The following DCDC1 variants were observed in gnomAD, a reference collection of about 807,000 sequenced individuals.
DCDC1 encodes doublecortin domain-containing protein 1.
In DCDC1, 200 loss-of-function variants were observed where a neutral mutation model predicts 178.3. The ratio of observed to expected loss-of-function variants is 1.12; its 90% confidence interval spans 1.00 to 1.26. The LOEUF (loss-of-function observed/expected upper bound fraction) is 1.26. DCDC1 is among the 50% of genes most tolerant of loss of function. DCDC1 has a pLI of 0.00. For missense variants in DCDC1, 1,983 were observed against 1,749.2 expected (o/e 1.13, Z -2.38); for synonymous variants, 690 against 604.8 (o/e 1.14, Z -2.07).
chr11:31,064,248 C>T lies in DCDC1; in HGVS notation c.2591+221G>A, dbSNP rs137917077. ...TTAGTGAAATCCCAGGACAGCAACC[C>T]ATCCTAAGTATAATAATAAACAATA... On this transcript the variant is annotated intron_variant, in intron 20 of 38. Coordinates refer to ENST00000684477, the MANE Select transcript of DCDC1 (RefSeq NM_001387274.1). Among the ~76,000 whole-genome samples, 197 of 152,170 alleles carry T rather than the reference C, an allele frequency of 1.3e-3. 1 individual carries two copies. The highest frequency in any genetic ancestry group is 4.4e-3 in the African/African-American group (184 of 41,520).
chr11:31,076,212 T>C (rs1172483952), intron 18 of DCDC1, among the ~76,000 whole-genome samples: 1 of 152,166 alleles, frequency 6.6e-6, no homozygotes, highest in Non-Finnish European at 1.5e-5. Flanking sequence ...ACTGGATTAA[T>C]TCCAAAGACC....
intron 34 of DCDC1, among the ~76,000 whole-genome samples, chr11:30,899,325 C>T (rs1352603319): frequency 6.6e-6 from 1 of 152,042 alleles, no homozygotes; most frequent in Non-Finnish European, 1.5e-5. Context: ...ATTTGATATT[C>T]ATTTTAATAT....
chr11:30,897,714 C>T (rs1944347087), intron 34 of DCDC1, among the ~76,000 whole-genome samples: 1 of 152,022 alleles, frequency 6.6e-6, no homozygotes, highest in South Asian at 2.1e-4. Flanking sequence ...AGGAATACAG[C>T]TTAGAAAACT....
At chr11:31,314,254 T>A (rs1027142543) in intron 3 of DCDC1, among the ~76,000 whole-genome samples, 1 of 152,210 alleles carries the variant, frequency 6.6e-6, no homozygotes, top group African/African-American at 2.4e-5. Flanking sequence ...GCCTGAAGTT[T>A]AAATTCCACT....
At chr11:31,111,918 C>T (rs934097275) in intron 11 of DCDC1, among the ~76,000 whole-genome samples, 1 of 152,154 alleles carries the variant, frequency 6.6e-6, no homozygotes, top group East Asian at 1.9e-4. Context: ...AAAGCAGAGA[C>T]GTCTTGGTCA....
At chr11:30,875,117 T>C (rs1268509488) in intron 38 of DCDC1, among the ~76,000 whole-genome samples, 1 of 152,222 alleles carries the variant, frequency 6.6e-6, no homozygotes, top group Non-Finnish European at 1.5e-5. Flanking sequence ...GAAAATGTTA[T>C]AGCTGCCAGC....
intron 23 of DCDC1, among the ~76,000 whole-genome samples, 187 bp from the exon 24 acceptor site, chr11:30,922,825 G>T (rs1946335689): frequency 6.6e-6 from 1 of 152,144 alleles, no homozygotes; most frequent in Non-Finnish European, 1.5e-5. Flanking sequence ...CAACAACTTT[G>T]ATGAATTTCA....
chr11:31,306,246 G>C lies in DCDC1; in HGVS notation c.577C>G (p.Pro193Ala). Residue 193 changes from proline (P) to alanine (A), a missense_variant, in exon 5 of 39, where the codon CCA becomes GCA. By Grantham distance (27) the Pro-to-Ala change is conservative. Coordinates refer to ENST00000684477, the MANE Select transcript of DCDC1 (RefSeq NM_001387274.1). ...ACACTAGTTACCAAGGTGATGGTTGGTACAGTAACTCTGGCAAAGACTGTT... is the reference window on the plus strand; with the variant it reads ...ACACTAGTTACCAAGGTGATGGTTGCTACAGTAACTCTGGCAAAGACTGTT... The part of the protein sequence containing the change: ...SRTVFARVTV[P>A]TITLLLEECT... 1.9e-6 allele frequency: 3 copies of C among 1,587,666 alleles called. No homozygotes were observed. Among genetic ancestry groups the C allele is most frequent in the Admixed American group, 1.7e-5 (1 of 57,362 alleles).
chr11:30,987,315 G>A (rs1950709994), intron 20 of DCDC1, among the ~76,000 whole-genome samples: 1 of 152,038 alleles, frequency 6.6e-6, no homozygotes, highest in Non-Finnish European at 1.5e-5. Context: ...CCGCACCCAG[G>A]CTATTTCTTT....
At chr11:31,258,701 A>C (rs981228939) in intron 8 of DCDC1, among the ~76,000 whole-genome samples, 6 of 152,180 alleles carry the variant, frequency 3.9e-5, no homozygotes, top group African/African-American at 1.4e-4. Flanking sequence ...TAGCTGCTTC[A>C]ATTTGGAAAC....
At chr11:31,209,526 G>A (rs1010915778) in intron 9 of DCDC1, among the ~76,000 whole-genome samples, 1 of 152,182 alleles carries the variant, frequency 6.6e-6, no homozygotes, top group African/African-American at 2.4e-5. Flanking sequence ...TTAATTAACT[G>A]TATTTTGAAA....
chr11:30,998,322 G>T (rs1001044426), intron 20 of DCDC1, among the ~76,000 whole-genome samples: 4 of 145,524 alleles, frequency 2.7e-5, no homozygotes, highest in South Asian at 2.1e-4. Context: ...AAGTGGGGAG[G>T]GGGGAGGAAG....
At chr11:31,223,221 A>C (rs552326876) in intron 9 of DCDC1, among the ~76,000 whole-genome samples, 17 of 152,302 alleles carry the variant, frequency 1.1e-4, no homozygotes, top group African/African-American at 4.1e-4. Flanking sequence ...TTACAATAGG[A>C]GAATGGTTAT....
At chr11:30,959,013 T>G (rs1948928869) in intron 20 of DCDC1, among the ~76,000 whole-genome samples, 1 of 152,056 alleles carries the variant, frequency 6.6e-6, no homozygotes, top group South Asian at 2.1e-4. Flanking sequence ...GGGCTGAGAC[T>G]TCTCAAGGAT....
At chr11:31,042,698 T>G (rs568532493) in intron 20 of DCDC1, among the ~76,000 whole-genome samples, 1 of 152,300 alleles carries the variant, frequency 6.6e-6, no homozygotes, top group East Asian at 1.9e-4. Context: ...ATCTTTTGAA[T>G]AGGAAAGACA....
At chr11:31,008,090 T>C (rs1448699309) in intron 20 of DCDC1, among the ~76,000 whole-genome samples, 1 of 152,094 alleles carries the variant, frequency 6.6e-6, no homozygotes, top group Non-Finnish European at 1.5e-5. Context: ...TCCTTTGCAA[T>C]GGTTAAAAGC....
At position 31,306,256 on chromosome 11, in the gene DCDC1, T is replaced by G. The variant is rs1948452569; in HGVS notation, c.567A>C (p.Arg189Ser). 2 of 1,589,602 alleles carry G rather than the reference T, an allele frequency of 1.3e-6. No homozygotes were observed. The highest frequency in any genetic ancestry group is 2.3e-5 in the South Asian group (2 of 85,584). Residue 189 changes from arginine (R) to serine (S), a missense_variant, in exon 5 of 39, where the codon AGA becomes AGC. Arg to Ser is a moderately radical substitution (Grantham distance 110). Transcript: ENST00000684477. ...CCAAGGTGATGGTTGGTACAGTAAC[T>G]CTGGCAAAGACTGTTCTAGATCCAT... ...YKNGSRTVFA[R>S]VTVPTITLLL...
chr11:31,273,991 C>T (rs1945786522), intron 7 of DCDC1, among the ~76,000 whole-genome samples: 1 of 152,158 alleles, frequency 6.6e-6, no homozygotes, highest in African/African-American at 2.4e-5. Context: ...GACCCATCCC[C>T]ATGACTCAAT....
chr11:31,089,499 C>G (rs1957673484), intron 17 of DCDC1, among the ~76,000 whole-genome samples: 2 of 152,026 alleles, frequency 1.3e-5, no homozygotes, highest in African/African-American at 2.4e-5. Flanking sequence ...AGAAATTGTT[C>G]AGACACTATT....
Sources: allele counts gnomAD v4.1 joint callset (sites outside exome capture counted in the v4.1 genomes callset), GRCh38; gene constraint gnomAD v4.1.1; transcripts MANE v1.5; gene names NCBI Gene and HGNC (gene_info 2026-07-23, HGNC 2026-07-21).